Variants in USP27X observed in about 807,000 individuals in gnomAD.
USP27X encodes ubiquitin carboxyl-terminal hydrolase 27.
For missense variants in USP27X, 161 were observed against 341.0 expected (o/e 0.47, Z 4.16); for synonymous variants, 109 against 141.5 (o/e 0.77, Z 1.63).
At position 49,881,501 on chromosome X, in the gene USP27X, C is replaced by T. The variant is rs180994734; in HGVS notation, c.1194C>T (p.Ala398=). The T allele has an allele frequency of 1.8e-5, 22 of 1,208,418 alleles. No homozygotes were observed. The highest frequency in any genetic ancestry group is 8.8e-5 in the Admixed American group (4 of 45,680). Residue 398 remains alanine, a synonymous_variant, in exon 1 of 1, where the codon GCC becomes GCT. Transcript: ENST00000621775. The part of the protein sequence containing the change: ...HKDQWFKCDD[A]VITKASIKDV... The stretch of plus-strand genomic sequence containing the variant: ...ACCAGTGGTTCAAGTGTGATGATGC[C>T]GTCATCACTAAGGCCAGTATTAAGG...
Position 49,880,577 on chromosome X carries a change from C to T in USP27X, c.270C>T (p.Asn90=). Residue 90 remains asparagine, a synonymous_variant, in exon 1 of 1, where the codon AAC becomes AAT. Transcript: ENST00000621775. Reference sequence around the variant, plus strand: ...ATCTTGGCAACACGTGCTTTATGAACTGCATTGTCCAGGCCCTCACCCACA... The same window carrying T: ...ATCTTGGCAACACGTGCTTTATGAATTGCATTGTCCAGGCCCTCACCCACA... ...LINLGNTCFM[N]CIVQALTHTP... 8.6e-7 allele frequency: 1 copy of T among 1,168,331 alleles called. No homozygotes were observed. The highest frequency in any genetic ancestry group is 1.1e-6 in the Non-Finnish European group (1 of 873,289).
Position 49,881,330 on chromosome X carries a change from A to C in USP27X, c.1023A>C (p.Ser341=), listed in dbSNP as rs1163543302. The part of the protein sequence containing the change: ...LELDMTPFMA[S]SKESRMNGQL... Reference sequence around the variant, plus strand: ...TGGATATGACGCCGTTTATGGCCTCAAGTAAAGAGAGCAGAATGAATGGAC... The same window carrying C: ...TGGATATGACGCCGTTTATGGCCTCCAGTAAAGAGAGCAGAATGAATGGAC... Residue 341 remains serine, a synonymous_variant, in exon 1 of 1, where the codon TCA becomes TCC. Transcript: ENST00000621775. The C allele has an allele frequency of 5.1e-6, 6 of 1,177,559 alleles. No homozygotes were observed. Among genetic ancestry groups the C allele is most frequent in the Non-Finnish European group, 6.8e-6 (6 of 878,421 alleles).
chrX:49,881,277 A>T lies in USP27X; in HGVS notation c.970A>T (p.Thr324Ser). ...TTCAGCGAAACAGAGGCGCAAGATC[A>T]CTACATACATTTCCTTTCCTCTGGA... ...EHSAKQRRKITTYISFPLELD... is the reference protein window; with the variant it reads ...EHSAKQRRKISTYISFPLELD... The change falls in exon 1 of 1, where the codon ACT becomes TCT. Residue 324 changes from threonine (T) to serine (S), a missense_variant. By Grantham distance (58) the Thr-to-Ser change is moderately conservative (BLOSUM62 1). Transcript: ENST00000621775. 2.6e-6 allele frequency: 3 copies of T among 1,169,100 alleles called. No individual in the cohort carries two copies. The highest frequency in any genetic ancestry group is 2.3e-6 in the Non-Finnish European group (2 of 873,510).
rs1465806330 is a variant in USP27X, at chrX:49,881,850, T to C, written c.*226T>C. ...GGGAAATTAAATGGTAGAAACACTC[T>C]GGGTGAGGAAGGCAGGAGCAGGAAA... On this transcript the variant is annotated 3_prime_UTR_variant, in exon 1 of 1. Coordinates refer to ENST00000621775, the MANE Select transcript of USP27X (RefSeq NM_001145073.3). The C allele has an allele frequency of 3.7e-6, 1 of 269,658 alleles. No individual in the cohort carries two copies. Among genetic ancestry groups the C allele is most frequent in the Non-Finnish European group, 6.6e-6 (1 of 151,294 alleles). 22.2% of individuals were successfully genotyped at this position (269,658 alleles called of 1,213,427 possible). A position where few individuals can be genotyped will look rare whatever the true frequency, so the allele number is the denominator to read the frequency against.
At position 49,880,529 on chromosome X, in the gene USP27X, G is replaced by C. The variant is rs782300135; in HGVS notation, c.222G>C (p.Thr74=). Residue 74 remains threonine, a synonymous_variant, in exon 1 of 1, where the codon ACG becomes ACC. Coordinates refer to ENST00000621775, the MANE Select transcript of USP27X (RefSeq NM_001145073.3). ...GAAGAAGAATCACCTCCAGCTTTAC[G>C]ATCGGTTTAAGAGGACTCATCAATC... ...PRRRRITSSF[T]IGLRGLINLG... 3.5e-5 allele frequency: 41 copies of C among 1,165,807 alleles called. No homozygotes were observed. The African/African-American group carries it at 4.9e-4, about 14-fold the overall frequency.
In USP27X at chrX:49,881,931, G is replaced by A. The variant is rs1180815870; in HGVS notation, c.*307G>A. ...TCCAAAAGATTGTGTGGGAAAGTGT[G>A]GGGGGGAGGGGGGTGGTGGGGGGGG... On this transcript the variant is annotated 3_prime_UTR_variant, in exon 1 of 1. Transcript: ENST00000621775. 8.7e-5 allele frequency: 16 copies of A among 183,335 alleles called. 1 individual carries two copies. The highest frequency in any genetic ancestry group is 1.6e-4 in the Non-Finnish European group (15 of 94,230). The allele number at this position is 183,335 out of a possible 1,213,427, so 15.1% of individuals were successfully genotyped here.
rs1467047954 is a variant in USP27X at position 49,880,550 on chromosome X, C to T, written c.243C>T (p.Ile81=). The T allele has an allele frequency of 1.7e-6, 2 of 1,168,025 alleles. No homozygotes were observed. The highest frequency in any genetic ancestry group is 1.8e-5 in the African/African-American group (1 of 56,291). ...SSFTIGLRGL[I]NLGNTCFMNC... Reference sequence around the variant, plus strand: ...TTACGATCGGTTTAAGAGGACTCATCAATCTTGGCAACACGTGCTTTATGA... The same window carrying T: ...TTACGATCGGTTTAAGAGGACTCATTAATCTTGGCAACACGTGCTTTATGA... Residue 81 remains isoleucine, a synonymous_variant, in exon 1 of 1, where the codon ATC becomes ATT. Coordinates refer to ENST00000621775, the MANE Select transcript of USP27X (RefSeq NM_001145073.3).
chrX:49,880,950 G>A lies in USP27X; in HGVS notation c.643G>A (p.Ala215Thr). 1 of 1,207,611 alleles carries A rather than the reference G, an allele frequency of 8.3e-7. No individual in the cohort carries two copies. The highest frequency in any genetic ancestry group is 1.1e-6 in the Non-Finnish European group (1 of 893,329). ...CCTGCAGTCTGATGTCACCTGTCAA[G>A]CCTGCCATGGCGTCTCCACCACGAT... The part of the protein sequence containing the change: ...GGLQSDVTCQ[A>T]CHGVSTTIDP... Residue 215 changes from alanine (A) to threonine (T), a missense_variant, in exon 1 of 1, where the codon GCC (alanine) becomes ACC (threonine). Physicochemically the swap from Ala to Thr is moderately conservative, Grantham distance 58. Coordinates refer to ENST00000621775, the MANE Select transcript of USP27X (RefSeq NM_001145073.3).
chrX:49,882,331 A>AGT lies in USP27X; in HGVS notation c.*718_*719dup, dbSNP rs1426209922. ...GCAGACAGGCCTCAGCTAAGAGTAT[A>AGT]GTGTGTGTGTGTTAAAAAAAAAAAA... On this transcript the variant is annotated 3_prime_UTR_variant, in exon 1 of 1. Transcript: ENST00000621775. 9.2e-5 allele frequency: 9 copies of AGT among 97,430 alleles called. No homozygotes were observed. Among genetic ancestry groups the AGT allele is most frequent in the African/African-American group, 3.7e-4 (9 of 24,579 alleles). The allele number at this position is 97,430 out of a possible 1,213,427, so 8.0% of individuals were successfully genotyped here. A position where few individuals can be genotyped will look rare whatever the true frequency, so the allele number is the denominator to read the frequency against.
rs1557163040 is a variant in USP27X, at chrX:49,882,542, C to T, written c.*918C>T. The T allele has an allele frequency of 2.4e-5, 3 of 122,564 alleles. No individual in the cohort carries two copies. Among genetic ancestry groups the T allele is most frequent in the Non-Finnish European group, 5.6e-5 (3 of 53,145 alleles). 10.1% of individuals were successfully genotyped at this position (122,564 alleles called of 1,213,427 possible). On this transcript the variant is annotated 3_prime_UTR_variant, in exon 1 of 1. Transcript: ENST00000621775. ...TGGAACTTTGTAGGGACTCAGTAAA[C>T]GTTTGTTGGATCCAAACCTGAAACT...
Position 49,880,437 on chromosome X carries a change from G to T in USP27X, c.130G>T (p.Gly44Cys). 1 of 1,168,101 alleles carries T rather than the reference G, an allele frequency of 8.6e-7. No homozygotes were observed. Among genetic ancestry groups the T allele is most frequent in the Non-Finnish European group, 1.1e-6 (1 of 873,115 alleles). Residue 44 changes from glycine to cysteine, a missense_variant, in exon 1 of 1, where the codon GGT becomes TGT. Gly to Cys is a radical substitution (Grantham distance 159). Coordinates refer to ENST00000621775, the MANE Select transcript of USP27X (RefSeq NM_001145073.3). ...CCAGCAGTGTTCAGTGCCAGGCCTTGGTGAGAAATTCCCAACCTGGGAAAC... is the reference window on the plus strand; with the variant it reads ...CCAGCAGTGTTCAGTGCCAGGCCTTTGTGAGAAATTCCCAACCTGGGAAAC... ...SHQQCSVPGLGEKFPTWETTK... is the reference protein window; with the variant it reads ...SHQQCSVPGLCEKFPTWETTK...
Position 49,880,445 on chromosome X carries a change from A to T in USP27X, c.138A>T (p.Lys46Asn), listed in dbSNP as rs1924362986. ...GTTCAGTGCCAGGCCTTGGTGAGAA[A>T]TTCCCAACCTGGGAAACAACCAAAC... ...QQCSVPGLGEKFPTWETTKPE... is the reference protein window; with the variant it reads ...QQCSVPGLGENFPTWETTKPE... Residue 46 changes from lysine to asparagine, a missense_variant, in exon 1 of 1, where the codon AAA (lysine) becomes AAT (asparagine). Lys to Asn is a moderately conservative substitution (Grantham distance 94). Transcript: ENST00000621775. The T allele has an allele frequency of 3.4e-6, 4 of 1,168,102 alleles. No homozygotes were observed. The highest frequency in any genetic ancestry group is 4.6e-6 in the Non-Finnish European group (4 of 873,155).
rs1308578718 is a variant in USP27X at position 49,882,364 on chromosome X, GAAAAA to G, written c.*746_*750del. The G allele has an allele frequency of 1.2e-5, 1 of 82,502 alleles. No homozygotes were observed. The highest frequency in any genetic ancestry group is 4.5e-5 in the African/African-American group (1 of 22,468). The allele number at this position is 82,502 out of a possible 1,213,427, so 6.8% of individuals were successfully genotyped here. ...TGTGTTAAAAAAAAAAAAAAAAAAA[GAAAAA>G]AAAAAGCTGTATGATATACTTGAGC... On this transcript the variant is annotated 3_prime_UTR_variant, in exon 1 of 1. Coordinates refer to ENST00000621775, the MANE Select transcript of USP27X (RefSeq NM_001145073.3).
rs782102286 is a variant in USP27X, at chrX:49,881,546, G to A, written c.1239G>A (p.Gly413=). The stretch of plus-strand genomic sequence containing the variant: ...TTAAGGACGTACTGGACAGTGAAGG[G>A]TATTTACTGTTCTATCACAAACAGG... ...ASIKDVLDSE[G]YLLFYHKQVL... The change falls in exon 1 of 1, where the codon GGG becomes GGA. Residue 413 remains glycine, a synonymous_variant. Coordinates refer to ENST00000621775, the MANE Select transcript of USP27X (RefSeq NM_001145073.3). 2.0e-5 allele frequency: 24 copies of A among 1,199,949 alleles called. No individual in the cohort carries two copies. In the Admixed American group the frequency reaches 5.4e-4, roughly 27 times the overall value.
rs1557162397 is a variant in USP27X, at chrX:49,879,572, G to A, written c.-736G>A. ...GGAAGGTGGAGGCGGAGGCGAAGGTGGAGGGGAAGGCGGAGGCGGCGGGGA... is the reference window on the plus strand; with the variant it reads ...GGAAGGTGGAGGCGGAGGCGAAGGTAGAGGGGAAGGCGGAGGCGGCGGGGA... On this transcript the variant is annotated 5_prime_UTR_variant, in exon 1 of 1. Transcript: ENST00000621775. Among the ~76,000 whole-genome samples the A allele has an allele frequency of 1.8e-5, 2 of 110,946 alleles. No individual in the cohort carries two copies. The highest frequency in any genetic ancestry group is 6.6e-5 in the African/African-American group (2 of 30,501).
Position 49,880,998 on chromosome X carries a change from T to G in USP27X, c.691T>G (p.Leu231Val). 2 of 1,201,616 alleles carry G rather than the reference T, an allele frequency of 1.7e-6. No homozygotes were observed. The highest frequency in any genetic ancestry group is 2.2e-6 in the Non-Finnish European group (2 of 890,113). ...GATAGACCCATGCTGGGACATTAGT[T>G]TGGACTTGCCTGGCTCTTGCACCTC... Reference protein sequence around the residue: ...TTIDPCWDISLDLPGSCTSFW... With the variant: ...TTIDPCWDISVDLPGSCTSFW... The change falls in exon 1 of 1, where the codon TTG (leucine) becomes GTG (valine). Residue 231 changes from leucine to valine, a missense_variant. Physicochemically the swap from Leu to Val is conservative, Grantham distance 32. Transcript: ENST00000621775.
Position 49,881,206 on chromosome X carries a change from A to G in USP27X, c.899A>G (p.Asn300Ser), listed in dbSNP as rs907866017. 18 of 1,168,427 alleles carry G rather than the reference A, an allele frequency of 1.5e-5. No homozygotes were observed. The highest frequency in any genetic ancestry group is 1.7e-5 in the Non-Finnish European group (15 of 873,299). Residue 300 changes from asparagine (N) to serine (S), a missense_variant, in exon 1 of 1, where the codon AAT becomes AGT. Coordinates refer to ENST00000621775, the MANE Select transcript of USP27X (RefSeq NM_001145073.3). ...YQESTKQLTM[N>S]KLPVVACFHF... is the part of the protein sequence containing the mutation. ...GAATCTACCAAACAGCTCACAATGA[A>G]TAAATTACCTGTCGTTGCCTGTTTT...
In USP27X at chrX:49,880,136, C is replaced by T; in HGVS notation, c.-172C>T. On this transcript the variant is annotated 5_prime_UTR_variant, in exon 1 of 1. Transcript: ENST00000621775. ...GTGGAACCCCAGAGACCAGGAAAAGCAAGGCAAAGTCCTGCATCTGCCATG... is the reference window on the plus strand; with the variant it reads ...GTGGAACCCCAGAGACCAGGAAAAGTAAGGCAAAGTCCTGCATCTGCCATG... 1 of 430,923 alleles carries T rather than the reference C, an allele frequency of 2.3e-6. No individual in the cohort carries two copies. The highest frequency in any genetic ancestry group is 4.0e-6 in the Non-Finnish European group (1 of 248,184). The allele number at this position is 430,923 out of a possible 1,213,427, so 35.5% of individuals were successfully genotyped here. A position where few individuals can be genotyped will look rare whatever the true frequency, so the allele number is the denominator to read the frequency against.
chrX:49,879,895 G>GCCGACC lies in USP27X; in HGVS notation c.-409_-404dup, dbSNP rs1485064750. 17 of 110,860 alleles carry GCCGACC rather than the reference G, an allele frequency of 1.5e-4. No homozygotes were observed. Among genetic ancestry groups the GCCGACC allele is most frequent in the Admixed American group, 1.4e-3 (15 of 10,591 alleles). The allele number at this position is 110,860 out of a possible 1,213,427, so 9.1% of individuals were successfully genotyped here. A position where few individuals can be genotyped will look rare whatever the true frequency, so the allele number is the denominator to read the frequency against. ...CCGCGTCGCAGTCGTGCGCCGCGCCGCCGACCCCGGCCCCGGCCCCAGACC... is the reference window on the plus strand; with the variant it reads ...CCGCGTCGCAGTCGTGCGCCGCGCCGCCGACCCCGACCCCGGCCCCGGCCCCAGACC... On this transcript the variant is annotated 5_prime_UTR_variant, in exon 1 of 1. Coordinates refer to ENST00000621775, the MANE Select transcript of USP27X (RefSeq NM_001145073.3).
Sources: allele counts gnomAD v4.1 joint callset (sites outside exome capture counted in the v4.1 genomes callset), GRCh38; gene constraint gnomAD v4.1.1; transcripts MANE v1.5; gene names NCBI Gene and HGNC (gene_info 2026-07-23, HGNC 2026-07-21).